DEUP1: variants seen among roughly 807,000 people sequenced by gnomAD.
DEUP1 encodes deuterosome assembly protein 1, also known as coiled-coil domain containing 67.
DEUP1 carries 82 observed loss-of-function variants against 87.4 expected under a neutral mutation model. That is an observed-to-expected ratio of 0.94 (90% CI 0.78 to 1.13). DEUP1 has a LOEUF of 1.13. DEUP1 is among the 50% of genes most tolerant of loss of function. DEUP1 has a pLI of 0.00. For missense variants in DEUP1, 663 were observed against 681.5 expected (o/e 0.97, Z 0.30); for synonymous variants, 214 against 222.7 (o/e 0.96, Z 0.35).
intron 4 of DEUP1, among the ~76,000 whole-genome samples, chr11:93,363,663 G>C (rs969447828): frequency 6.6e-6 from 1 of 151,732 alleles, no homozygotes; most frequent in South Asian, 2.1e-4. Context: ...AAAAATATTA[G>C]ATCAATTTTG....
In DEUP1 at chr11:93,354,378, G is replaced by C. The variant is rs57170319; in HGVS notation, c.30-993G>C. Among the ~76,000 whole-genome samples the C allele has an allele frequency of 8.8e-3, 1,340 of 152,198 alleles. 17 individuals carry two copies. Among genetic ancestry groups the C allele is most frequent in the African/African-American group, 0.031 (1,291 of 41,542 alleles). ...AAGTCTCTAGGAGGTTCCAAAATTTGCCACATTTTTCTCTCTTCTTCTGAA... is the reference window on the plus strand; with the variant it reads ...AAGTCTCTAGGAGGTTCCAAAATTTCCCACATTTTTCTCTCTTCTTCTGAA... On this transcript the variant is annotated intron_variant, in intron 2 of 13. Coordinates refer to ENST00000298050, the MANE Select transcript of DEUP1 (RefSeq NM_181645.4).
At chr11:93,350,039 C>T (rs1944555261) in intron 2 of DEUP1, among the ~76,000 whole-genome samples, 2 of 152,254 alleles carry the variant, frequency 1.3e-5, no homozygotes, top group South Asian at 4.1e-4. Flanking sequence ...GTATATTTGG[C>T]TTTCTCTAGT....
At chr11:93,420,249 G>C (rs1947829686) in intron 13 of DEUP1, among the ~76,000 whole-genome samples, 1 of 152,102 alleles carries the variant, frequency 6.6e-6, no homozygotes, top group Non-Finnish European at 1.5e-5. Context: ...GGGATGCAAG[G>C]CTGGTTCAAC....
At chr11:93,342,346 C>T (rs1192548706) in intron 2 of DEUP1, among the ~76,000 whole-genome samples, 2 of 152,140 alleles carry the variant, frequency 1.3e-5, no homozygotes, top group South Asian at 2.1e-4. Flanking sequence ...ACACCAATAG[C>T]GCACAGTCAT....
At chr11:93,416,972 T>C in intron 13 of DEUP1, among the ~76,000 whole-genome samples, 1 of 152,110 alleles carries the variant, frequency 6.6e-6, no homozygotes, top group East Asian at 1.9e-4. Flanking sequence ...TTTGACAAAA[T>C]TCAACAACAC....
At chr11:93,384,840 G>T (rs1478350991) in intron 7 of DEUP1, among the ~76,000 whole-genome samples, 3 of 152,034 alleles carry the variant, frequency 2.0e-5, no homozygotes, top group African/African-American at 7.3e-5. Flanking sequence ...CTTTGTCTTT[G>T]CCACTAGATT....
intron 10 of DEUP1, among the ~76,000 whole-genome samples, chr11:93,395,422 G>T (rs1262800229): frequency 6.6e-6 from 1 of 152,152 alleles, no homozygotes; most frequent in African/African-American, 2.4e-5. Context: ...AAACAGAAAA[G>T]ATTTAGCCTT....
At position 93,373,624 on chromosome 11, in the gene DEUP1, C is replaced by CGTGT. The variant is rs201373611; in HGVS notation, c.789+2346_789+2347insGTGT. Among the ~76,000 whole-genome samples, 624 of 78,872 alleles carry CGTGT rather than the reference C, an allele frequency of 7.9e-3. 2 individuals carry two copies. The highest frequency in any genetic ancestry group is 0.015 in the Non-Finnish European group (437 of 28,724). 51.7% of individuals were successfully genotyped at this position (78,872 alleles called of 152,430 possible). ...ATATATTTATATATGTATATATATA[C>CGTGT]GTATATATATATATATATATATATA... On this transcript the variant is annotated intron_variant, in intron 7 of 13. Coordinates refer to ENST00000298050, the MANE Select transcript of DEUP1 (RefSeq NM_181645.4).
chr11:93,355,303 T>C, intron 2 of DEUP1, 68 bp from the exon 3 acceptor site: 3 of 1,318,738 alleles, frequency 2.3e-6, no homozygotes, highest in East Asian at 4.6e-5. Flanking sequence ...TGCAGAGCAA[T>C]GTAATAATTT....
chr11:93,419,165 T>TA (rs1441695325), intron 13 of DEUP1, among the ~76,000 whole-genome samples: 1 of 122,244 alleles, frequency 8.2e-6, no homozygotes, highest in Non-Finnish European at 1.7e-5. Flanking sequence ...ACATGTACCC[T>TA]AAAACTTAAA....
At chr11:93,374,134 GT>G (rs1186551105) in intron 7 of DEUP1, among the ~76,000 whole-genome samples, 1 of 151,970 alleles carries the variant, frequency 6.6e-6, no homozygotes, top group African/African-American at 2.4e-5. Context: ...GGGATTGTTT[GT>G]TTTTTTCTTC....
chr11:93,354,480 C>T (rs761944966), intron 2 of DEUP1, among the ~76,000 whole-genome samples: 10 of 152,138 alleles, frequency 6.6e-5, no homozygotes, highest in South Asian at 2.1e-4. Context: ...TTTTCAGCAA[C>T]GCCCCACTCT....
At chr11:93,388,997 A>G (rs1345130940) in intron 8 of DEUP1, 23 bp from the exon 9 acceptor site, 4 of 1,257,046 alleles carry the variant, frequency 3.2e-6, no homozygotes, top group Non-Finnish European at 4.5e-6. Context: ...AATTTTAATC[A>G]TTATTTTATG....
intron 11 of DEUP1, among the ~76,000 whole-genome samples, chr11:93,399,413 T>C (rs1947047066): frequency 6.6e-6 from 1 of 151,996 alleles, no homozygotes; most frequent in South Asian, 2.1e-4. Context: ...GGCATTTTCA[T>C]TATAGTAAAT....
chr11:93,400,956 C>T (rs965333762), intron 11 of DEUP1, among the ~76,000 whole-genome samples: 2 of 151,838 alleles, frequency 1.3e-5, no homozygotes, highest in Admixed American at 6.6e-5. Context: ...AGCAATTAGG[C>T]GAGAGAAAGA....
At chr11:93,370,620 T>C (rs1252441364) in intron 6 of DEUP1, among the ~76,000 whole-genome samples, 1 of 152,232 alleles carries the variant, frequency 6.6e-6, no homozygotes, top group Non-Finnish European at 1.5e-5. Context: ...TATTGATGTG[T>C]AGAAGTGTTT....
chr11:93,386,040 T>A (rs1176386747), intron 8 of DEUP1, among the ~76,000 whole-genome samples: 1 of 150,982 alleles, frequency 6.6e-6, no homozygotes, highest in Non-Finnish European at 1.5e-5. Flanking sequence ...GCAACAGAGA[T>A]CCTGTTTCAA....
chr11:93,350,782 T>C (rs929953328), intron 2 of DEUP1, among the ~76,000 whole-genome samples: 1 of 151,296 alleles, frequency 6.6e-6, no homozygotes, highest in African/African-American at 2.4e-5. Flanking sequence ...AAACCCCGTC[T>C]CTACTAAAAA....
At chr11:93,416,247 G>C (rs909438621) in intron 13 of DEUP1, among the ~76,000 whole-genome samples, 3 of 152,044 alleles carry the variant, frequency 2.0e-5, no homozygotes, top group Admixed American at 1.3e-4. Flanking sequence ...CCAGGAGCTT[G>C]TTTTTTGAAA....
Sources: allele counts gnomAD v4.1 joint callset (sites outside exome capture counted in the v4.1 genomes callset), GRCh38; gene constraint gnomAD v4.1.1; transcripts MANE v1.5; gene names NCBI Gene and HGNC (gene_info 2026-07-23, HGNC 2026-07-21).